Variants in NME7 observed in about 807,000 individuals in gnomAD.
The protein encoded by NME7 is nucleoside diphosphate kinase 7.
Under a neutral mutation model 49.1 loss-of-function variants are expected in NME7, and 41 were observed. The observed-to-expected ratio is 0.83, with a 90% confidence interval of 0.65 to 1.08. The LOEUF is 1.08. Ranked by LOEUF, NME7 falls within the 50% of genes least tolerant of loss-of-function variation. The probability of loss-of-function intolerance (pLI) is 0.00; values close to 1 mark genes in which losing one functional copy is unlikely to be tolerated. For missense variants in NME7, 423 were observed against 463.4 expected (o/e 0.91, Z 0.80); for synonymous variants, 139 against 150.6 (o/e 0.92, Z 0.56).
chr1:169,244,635 CAAAAAA>C (rs71121747), intron 7 of NME7, among the ~76,000 whole-genome samples: 1 of 85,362 alleles, frequency 1.2e-5, no homozygotes, highest in Non-Finnish European at 2.3e-5. Flanking sequence ...GACTCCATCT[CAAAAAA>C]AAAAAAAAAA....
At chr1:169,202,439 G>A (rs1660576571) in intron 10 of NME7, among the ~76,000 whole-genome samples, 1 of 152,114 alleles carries the variant, frequency 6.6e-6, no homozygotes, top group African/African-American at 2.4e-5. Flanking sequence ...GCTTCCTGAT[G>A]CCTCCCTATA....
At chr1:169,282,838 C>T (rs1033686757) in intron 7 of NME7, among the ~76,000 whole-genome samples, 13 of 152,050 alleles carry the variant, frequency 8.5e-5, no homozygotes, top group African/African-American at 3.1e-4. Flanking sequence ...CATTCTTTTG[C>T]ACTTGGTCAG....
intron 9 of NME7, among the ~76,000 whole-genome samples, chr1:169,232,838 GTA>G (rs1415382128): frequency 1.3e-5 from 2 of 149,564 alleles, no homozygotes; most frequent in East Asian, 3.9e-4. Context: ...AACATGTCAA[GTA>G]TAAACATAAA....
At chr1:169,242,514 A>G (rs931735115) in intron 7 of NME7, among the ~76,000 whole-genome samples, 2 of 152,042 alleles carry the variant, frequency 1.3e-5, no homozygotes, top group African/African-American at 2.4e-5. Flanking sequence ...ACAGTAAACA[A>G]GGCAAGAATG....
chr1:169,298,837 T>C lies in NME7; in HGVS notation c.441-74A>G, dbSNP rs984157190. On this transcript the variant is annotated intron_variant, in intron 5 of 11. Coordinates refer to ENST00000367811, the MANE Select transcript of NME7 (RefSeq NM_013330.5). ...GTATTTGTCTTAACGACAGGATATA[T>C]TTAAATTGGATTATTTCAACATAGA... The C allele has an allele frequency of 1.8e-5, 21 of 1,169,718 alleles. No homozygotes were observed. In the African/African-American group the frequency reaches 2.9e-4, roughly 16 times the overall value. The allele number at this position is 1,169,718 out of a possible 1,614,324, so 72.5% of individuals were successfully genotyped here.
In NME7 at chr1:169,177,035, T is replaced by C. The variant is rs577634755; in HGVS notation, c.991-7481A>G. On this transcript the variant is annotated intron_variant, in intron 10 of 11. Coordinates refer to ENST00000367811, the MANE Select transcript of NME7 (RefSeq NM_013330.5). Reference sequence around the variant, plus strand: ...TTCTTTTATTTTAACACCCTGGACCTGAAAGCAAGAGAGGCATTCTTAATA... The same window carrying C: ...TTCTTTTATTTTAACACCCTGGACCCGAAAGCAAGAGAGGCATTCTTAATA... Among the ~76,000 whole-genome samples the C allele has an allele frequency of 3.9e-5, 6 of 152,254 alleles. No homozygotes were observed. The South Asian group carries it at 6.2e-4, about 16-fold the overall frequency.
intron 1 of NME7, among the ~76,000 whole-genome samples, chr1:169,353,430 T>A (rs1203217371): frequency 2.6e-5 from 4 of 151,998 alleles, no homozygotes; most frequent in Admixed American, 2.0e-4. Context: ...ATTTAATACC[T>A]CTAACTATGA....
In NME7 at chr1:169,298,611, G is replaced by A; in HGVS notation, c.593C>T (p.Thr198Ile). 5 of 1,613,964 alleles carry A rather than the reference G, an allele frequency of 3.1e-6. No homozygotes were observed. The highest frequency in any genetic ancestry group is 4.2e-6 in the Non-Finnish European group (5 of 1,179,900). The change falls in exon 6 of 12, where the codon ACA becomes ATA. Residue 198 changes from threonine (T) to isoleucine (I), a missense_variant. By Grantham distance (89) the Thr-to-Ile change is moderately conservative (BLOSUM62 -1). Coordinates refer to ENST00000367811, the MANE Select transcript of NME7 (RefSeq NM_013330.5). ...ASESIRALFG[T>I]DGIRNAAHGP... ...ATGCGCTGCATTTCTTATGCCATCT[G>A]TTCCAAAGAGGGCTCTAATGCTTTC...
intron 3 of NME7, among the ~76,000 whole-genome samples, chr1:169,321,047 T>C (rs1651834892): frequency 6.6e-6 from 1 of 152,080 alleles, no homozygotes; most frequent in Admixed American, 6.5e-5. Context: ...ATAGTTAAAA[T>C]ACATAAATTA....
intron 10 of NME7, among the ~76,000 whole-genome samples, chr1:169,197,880 T>TA (rs1243924911): frequency 6.6e-6 from 1 of 151,978 alleles, no homozygotes; most frequent in African/African-American, 2.4e-5. Context: ...TAATCTAAGT[T>TA]AAAAAACTTC....
intron 1 of NME7, among the ~76,000 whole-genome samples, chr1:169,327,685 A>T (rs1250292526): frequency 6.6e-6 from 1 of 152,218 alleles, no homozygotes; most frequent in Non-Finnish European, 1.5e-5. Context: ...TAAAATTCAT[A>T]TAAGTTTTAT....
chr1:169,288,980 C>T (rs188746233), intron 6 of NME7, among the ~76,000 whole-genome samples: 1 of 127,226 alleles, frequency 7.9e-6, no homozygotes, highest in Admixed American at 7.5e-5. Flanking sequence ...TCCCATTGGT[C>T]TGTTCCCTTC....
intron 6 of NME7, 138 bp downstream of exon 6, chr1:169,298,418 A>C (rs2101906431): frequency 1.3e-6 from 1 of 784,490 alleles, no homozygotes; most frequent in Middle Eastern, 3.9e-4. Flanking sequence ...GATAGTAGGC[A>C]AGATGTCAAA....
At chr1:169,299,833 AAAAC>A (rs1650870795) in intron 5 of NME7, among the ~76,000 whole-genome samples, 1 of 152,166 alleles carries the variant, frequency 6.6e-6, no homozygotes, top group African/African-American at 2.4e-5. Context: ...CTTTGCTGCC[AAAAC>A]AAACAAAACC....
intron 7 of NME7, among the ~76,000 whole-genome samples, chr1:169,271,835 G>A (rs1282805269): frequency 7.5e-6 from 1 of 132,714 alleles, no homozygotes; most frequent in Non-Finnish European, 1.8e-5. Flanking sequence ...AATACCAGGA[G>A]ATGGGATTAT....
At chr1:169,218,566 TCAGAAAAA>T (rs1432330864) in intron 10 of NME7, among the ~76,000 whole-genome samples, 1 of 150,898 alleles carries the variant, frequency 6.6e-6, no homozygotes, top group Non-Finnish European at 1.5e-5. Flanking sequence ...AAACCCTGTC[TCAGAAAAA>T]CAGAAAAACA....
chr1:169,317,882 T>A (rs1313072898), intron 3 of NME7, among the ~76,000 whole-genome samples: 1 of 152,214 alleles, frequency 6.6e-6, no homozygotes. Context: ...TGCTTCTCCA[T>A]GTCCGGCCAT....
At chr1:169,283,295 T>A (rs1055755089) in intron 7 of NME7, among the ~76,000 whole-genome samples, 7 of 152,196 alleles carry the variant, frequency 4.6e-5, no homozygotes, top group Non-Finnish European at 1.0e-4. Flanking sequence ...TTCCATTTGC[T>A]TGGTAAATAT....
chr1:169,298,355 T>C (rs537947877), intron 6 of NME7, among the ~76,000 whole-genome samples: 42 of 152,286 alleles, frequency 2.8e-4, no homozygotes, highest in African/African-American at 1.0e-3. Context: ...AAAACTTACG[T>C]TGATCATGAT....
Sources: allele counts gnomAD v4.1 joint callset (sites outside exome capture counted in the v4.1 genomes callset), GRCh38; gene constraint gnomAD v4.1.1; transcripts MANE v1.5; gene names NCBI Gene and HGNC (gene_info 2026-07-23, HGNC 2026-07-21).